FLRT1: variants seen among roughly 807,000 people sequenced by gnomAD.
FLRT1 encodes the protein fibronectin leucine rich transmembrane protein 1, also known as leucine-rich repeat transmembrane protein FLRT1.
Under a neutral mutation model 30.9 loss-of-function variants are expected in FLRT1, and 14 were observed. The ratio of observed to expected loss-of-function variants is 0.45; its 90% CI spans 0.30 to 0.71. The LOEUF is 0.71. Ranked by LOEUF, FLRT1 falls within the 30% of genes least tolerant of loss-of-function variation. FLRT1 has a pLI of 0.08. For synonymous variants in FLRT1, 368 were observed against 430.4 expected (o/e 0.85, Z 1.80); for missense variants, 737 against 949.2 (o/e 0.78, Z 2.94).
intron 1 of FLRT1, among the ~76,000 whole-genome samples, chr11:64,063,734 T>G (rs1038094825): frequency 1.3e-5 from 2 of 152,136 alleles, no homozygotes; most frequent in Admixed American, 6.5e-5. Flanking sequence ...CCCCCCTCCA[T>G]GGGCAGCCAC....
intron 1 of FLRT1, among the ~76,000 whole-genome samples, chr11:64,070,056 C>G (rs1944078539): frequency 6.6e-6 from 1 of 152,178 alleles, no homozygotes; most frequent in Non-Finnish European, 1.5e-5. Flanking sequence ...GTGCTAAGCA[C>G]TCCCTGCAGC....
intron 1 of FLRT1, among the ~76,000 whole-genome samples, chr11:64,040,599 G>C (rs1943466289): frequency 6.6e-6 from 1 of 152,252 alleles, no homozygotes; most frequent in South Asian, 2.1e-4. Flanking sequence ...CCCGAGAGCT[G>C]TGTGTTCACC....
chr11:64,118,067 T>C lies in FLRT1; in HGVS notation c.1800T>C (p.Tyr600=). 1.2e-6 allele frequency: 2 copies of C among 1,612,990 alleles called. No individual in the cohort carries two copies. The highest frequency in any genetic ancestry group is 1.7e-6 in the Non-Finnish European group (2 of 1,179,438). Residue 600 remains tyrosine (Y), a synonymous_variant, in exon 3 of 3, where the codon TAT becomes TAC. Coordinates refer to ENST00000682287, the MANE Select transcript of FLRT1 (RefSeq NM_013280.5). The part of the protein sequence containing the change: ...YNRGSRKKDD[Y]MESGTKKDNS... ...GGGGCAGCAGGAAAAAGGATGACTA[T>C]ATGGAGTCAGGGACCAAGAAGGATA...
rs918956445 is a variant in FLRT1, at chr11:64,118,365, C to T, written c.*73C>T. 3.9e-5 allele frequency: 57 copies of T among 1,462,378 alleles called. No individual in the cohort carries two copies. Among genetic ancestry groups the T allele is most frequent in the Non-Finnish European group, 4.8e-5 (53 of 1,101,686 alleles). The allele number at this position is 1,462,378 out of a possible 1,614,324, so 90.6% of individuals were successfully genotyped here. The stretch of plus-strand genomic sequence containing the variant: ...TGGCCATGTGGCTTTGCCCAGCCTG[C>T]TGCAATCCAAGAGAGCAAGGAAGAG... On this transcript the variant is annotated 3_prime_UTR_variant, in exon 3 of 3. Transcript: ENST00000682287.
chr11:64,053,158 G>T (rs11231684), intron 1 of FLRT1, among the ~76,000 whole-genome samples: 29,007 of 152,100 alleles, frequency 0.19, 5,209 homozygotes, highest in African/African-American at 0.46. Context: ...GGCCCCAGAC[G>T]GAGAGCTGGG....
chr11:64,069,209 G>A (rs968334414), intron 1 of FLRT1, among the ~76,000 whole-genome samples: 10 of 152,208 alleles, frequency 6.6e-5, no homozygotes, highest in Admixed American at 6.5e-4. Context: ...GCGCGCGGCC[G>A]GGGGCCCGAG....
At chr11:64,112,663 A>G (rs1247634463) in intron 2 of FLRT1, among the ~76,000 whole-genome samples, 1 of 152,202 alleles carries the variant, frequency 6.6e-6, no homozygotes, top group East Asian at 1.9e-4. Context: ...CACTGGAAGG[A>G]GATGCAGGCG....
chr11:64,100,486 G>C (rs1296122039), intron 1 of FLRT1, among the ~76,000 whole-genome samples: 1 of 152,206 alleles, frequency 6.6e-6, no homozygotes, highest in Non-Finnish European at 1.5e-5. Flanking sequence ...AGGCCAAGGC[G>C]AGGAGTGTAA....
intron 1 of FLRT1, among the ~76,000 whole-genome samples, chr11:64,089,224 G>A (rs554999361): frequency 2.6e-5 from 4 of 152,164 alleles, no homozygotes; most frequent in African/African-American, 4.8e-5. Context: ...GCATTGCACC[G>A]CGGAGGTGAG....
chr11:64,075,106 G>A (rs996458736), intron 1 of FLRT1, among the ~76,000 whole-genome samples: 1 of 152,216 alleles, frequency 6.6e-6, no homozygotes. Flanking sequence ...GAAGCACCTT[G>A]GTCTCTCTGG....
chr11:64,037,095 G>A lies in FLRT1; in HGVS notation c.-1038+936G>A, dbSNP rs895005778. Among the ~76,000 whole-genome samples the A allele has an allele frequency of 2.0e-5, 3 of 152,068 alleles. No homozygotes were observed. In the East Asian group the frequency reaches 5.8e-4, roughly 29 times the overall value. On this transcript the variant is annotated intron_variant, in intron 1 of 2. Coordinates refer to ENST00000682287, the MANE Select transcript of FLRT1 (RefSeq NM_013280.5). Reference sequence around the variant, plus strand: ...AGCTGGGGTGTGCCAGGCCCCCGAGGCCCAAGCCAGAGCTCTGATGTGAAT... The same window carrying A: ...AGCTGGGGTGTGCCAGGCCCCCGAGACCCAAGCCAGAGCTCTGATGTGAAT...
rs528466299 is a variant in FLRT1, at chr11:64,118,803, G to C, written c.*511G>C. On this transcript the variant is annotated 3_prime_UTR_variant, in exon 3 of 3. Transcript: ENST00000682287. Reference sequence around the variant, plus strand: ...CTCACAAAGGAGAGAGGGAAGAAAAGATCTTTTGCCCTGGAGATATGGTCC... The same window carrying C: ...CTCACAAAGGAGAGAGGGAAGAAAACATCTTTTGCCCTGGAGATATGGTCC... The C allele has an allele frequency of 6.0e-6, 1 of 167,754 alleles. No individual in the cohort carries two copies. Among genetic ancestry groups the C allele is most frequent in the African/African-American group, 2.4e-5 (1 of 41,434 alleles). The allele number at this position is 167,754 out of a possible 1,614,324, so 10.4% of individuals were successfully genotyped here. A position where few individuals can be genotyped will look rare whatever the true frequency, so the allele number is the denominator to read the frequency against.
At chr11:64,102,603 G>C (rs1488240117) in intron 1 of FLRT1, among the ~76,000 whole-genome samples, 1 of 152,210 alleles carries the variant, frequency 6.6e-6, no homozygotes, top group Non-Finnish European at 1.5e-5. Context: ...CCAGGAGCTC[G>C]AAAAACTTCA....
rs1021213167 is a variant in FLRT1, at chr11:64,036,307, G to A, written c.-1038+148G>A. 1.3e-5 allele frequency: 2 copies of A among 152,232 alleles called. No individual in the cohort carries two copies. The highest frequency in any genetic ancestry group is 4.8e-5 in the African/African-American group (2 of 41,452). The allele number at this position is 152,232 out of a possible 1,614,324, so 9.4% of individuals were successfully genotyped here. ...TTTGCCCCAGAGCGGCGGGAGATGG[G>A]ACGCCCAGCCTTTGGGATTTGGGGT... On this transcript the variant is annotated intron_variant, in intron 1 of 2. Transcript: ENST00000682287. The surrounding 1 kb of genome is among the most constrained non-coding windows in gnomAD (Gnocchi z 5.6).
At position 64,082,876 on chromosome 11, in the gene FLRT1, C is replaced by T. The variant is rs1944328523; in HGVS notation, c.-1037-20318C>T. 1 of 152,480 alleles carries T rather than the reference C, an allele frequency of 6.6e-6. No individual in the cohort carries two copies. The highest frequency in any genetic ancestry group is 2.4e-5 in the African/African-American group (1 of 41,446). 9.4% of individuals were successfully genotyped at this position (152,480 alleles called of 1,614,324 possible). ...CGAGGTAGGCAGGGCTGTGCCTGCT[C>T]CAGCCCAGGGCCCCCTGCCTCTCTG... On this transcript the variant is annotated intron_variant, in intron 1 of 2. Transcript: ENST00000682287. This position sits in a 1 kb window ranked among gnomAD's most constrained non-coding sequence, Gnocchi z 4.5.
At chr11:64,066,091 G>A (rs1156477636) in intron 1 of FLRT1, among the ~76,000 whole-genome samples, 3 of 152,028 alleles carry the variant, frequency 2.0e-5, no homozygotes, top group Admixed American at 2.0e-4. Flanking sequence ...GAGGTCAGGA[G>A]CTCAAGAGCA....
rs1944324202 is a variant in FLRT1, at chr11:64,082,614, C to T, written c.-1037-20580C>T. Among the ~76,000 whole-genome samples, 1 of 152,074 alleles carries T rather than the reference C, an allele frequency of 6.6e-6. No homozygotes were observed. The highest frequency in any genetic ancestry group is 2.4e-5 in the African/African-American group (1 of 41,420). On this transcript the variant is annotated intron_variant, in intron 1 of 2. Transcript: ENST00000682287. The surrounding 1 kb of genome is among the most constrained non-coding windows in gnomAD (Gnocchi z 4.5). The stretch of plus-strand genomic sequence containing the variant: ...GGGGTCCCTGGGCTGAAGACGGAAC[C>T]TCTGAGTGCAGGCACCAGGTGGGAG...
At chr11:64,101,398 G>A (rs968950619) in intron 1 of FLRT1, among the ~76,000 whole-genome samples, 20 of 152,142 alleles carry the variant, frequency 1.3e-4, no homozygotes, top group African/African-American at 4.6e-4. Flanking sequence ...TCCTTTTTGG[G>A]TTCTTAATTT....
intron 2 of FLRT1, among the ~76,000 whole-genome samples, chr11:64,106,716 C>T (rs889381037): frequency 2.6e-5 from 4 of 152,148 alleles, no homozygotes; most frequent in Admixed American, 1.3e-4. Flanking sequence ...ATCCTAAAGG[C>T]GGCTGAGGAG....
Sources: allele counts gnomAD v4.1 joint callset (sites outside exome capture counted in the v4.1 genomes callset), GRCh38; gene constraint gnomAD v4.1.1; non-coding constraint Gnocchi (gnomAD v3.1); transcripts MANE v1.5; gene names NCBI Gene and HGNC (gene_info 2026-07-23, HGNC 2026-07-21).